PLCE1: variants seen among roughly 807,000 people sequenced by gnomAD.
PLCE1 encodes 1-phosphatidylinositol 4,5-bisphosphate phosphodiesterase epsilon-1.
Under a neutral mutation model 242.8 loss-of-function variants are expected in PLCE1, and 119 were observed. The ratio of observed to expected loss-of-function variants is 0.49; its 90% confidence interval spans 0.42 to 0.57. The LOEUF (loss-of-function observed/expected upper bound fraction) is 0.57. PLCE1 is among the 20% of genes least tolerant of loss of function. The pLI, the probability that PLCE1 is intolerant of heterozygous loss-of-function variation, is 0.00. For synonymous variants in PLCE1, 945 were observed against 1,017.4 expected (o/e 0.93, Z 1.35); for missense variants, 2,441 against 2,788.8 (o/e 0.88, Z 2.81).
chr10:94,035,599 T>C (rs930143615), intron 2 of PLCE1, among the ~76,000 whole-genome samples: 12 of 152,186 alleles, frequency 7.9e-5, no homozygotes, highest in African/African-American at 2.9e-4. Flanking sequence ...GGCATTTTTA[T>C]TAACCATTAA....
intron 10 of PLCE1, 99 bp downstream of exon 10, chr10:94,254,406 A>G (rs756593416): frequency 9.7e-6 from 8 of 828,654 alleles, no homozygotes; most frequent in Non-Finnish European, 1.7e-5. Flanking sequence ...CATTGCAAAC[A>G]TTTCTAACAA....
intron 4 of PLCE1, among the ~76,000 whole-genome samples, chr10:94,205,057 G>A (rs961605090): frequency 6.6e-6 from 1 of 152,212 alleles, no homozygotes; most frequent in Admixed American, 6.5e-5. Context: ...TACCTGGTAT[G>A]ACTTTTAAGA....
Position 94,262,531 on chromosome 10 carries a change from C to G in PLCE1, c.3852C>G (p.Phe1284Leu). ...GAAATGTCTCGGATTTGGGGTTGTT[C>G]ATTAAGAGTAAACAGCAGCTATCGG... ...LTRNVSDLGL[F>L]IKSKQQLSDN... The change falls in exon 14 of 33, where the codon TTC becomes TTG. Residue 1284 changes from phenylalanine to leucine, a missense_variant. Coordinates refer to ENST00000371380, the MANE Select transcript of PLCE1 (RefSeq NM_016341.4). 1 of 1,613,756 alleles carries G rather than the reference C, an allele frequency of 6.2e-7. No homozygotes were observed. Among genetic ancestry groups the G allele is most frequent in the Non-Finnish European group, 8.5e-7 (1 of 1,179,754 alleles).
Position 93,994,004 on chromosome 10 carries a change from GC to G in PLCE1, c.-618del. Among the ~76,000 whole-genome samples, 1 of 151,812 alleles carries G rather than the reference GC, an allele frequency of 6.6e-6. No homozygotes were observed. Among genetic ancestry groups the G allele is most frequent in the African/African-American group, 2.4e-5 (1 of 41,504 alleles). On this transcript the variant is annotated 5_prime_UTR_variant, in exon 1 of 33. Coordinates refer to ENST00000371380, the MANE Select transcript of PLCE1 (RefSeq NM_016341.4). ...CACACGGTAACGCTGGGCAACGTGG[GC>G]AACGCGGCGGGCGGCGGGCTCGCGC...
In PLCE1 at chr10:94,031,355, C is replaced by A; in HGVS notation, c.309C>A (p.Asn103Lys). ...KIMPDSAKNLNINCNNILRNH... is the reference protein window; with the variant it reads ...KIMPDSAKNLKINCNNILRNH... ...TGCCAGATTCTGCGAAAAACCTTAACATTAACTGCAACAACATATTGAGAA... is the reference window on the plus strand; with the variant it reads ...TGCCAGATTCTGCGAAAAACCTTAAAATTAACTGCAACAACATATTGAGAA... Residue 103 changes from asparagine to lysine, a missense_variant, in exon 2 of 33, where the codon AAC becomes AAA. Coordinates refer to ENST00000371380, the MANE Select transcript of PLCE1 (RefSeq NM_016341.4). 1 of 1,613,872 alleles carries A rather than the reference C, an allele frequency of 6.2e-7. No individual in the cohort carries two copies. Among genetic ancestry groups the A allele is most frequent in the Non-Finnish European group, 8.5e-7 (1 of 1,179,854 alleles).
intron 4 of PLCE1, among the ~76,000 whole-genome samples, chr10:94,186,229 C>T (rs1045395851): frequency 6.6e-6 from 1 of 152,194 alleles, no homozygotes; most frequent in Non-Finnish European, 1.5e-5. Flanking sequence ...TTCCTTCTCT[C>T]AATTGGGTAA....
At chr10:94,316,842 A>AT in intron 29 of PLCE1, 86 bp downstream of exon 29, 1 of 945,120 alleles carries the variant, frequency 1.1e-6, no homozygotes. Flanking sequence ...GAAATTCAGA[A>AT]TTTCTTGTAA....
chr10:94,137,039 A>G (rs1377279014), intron 3 of PLCE1, among the ~76,000 whole-genome samples: 2 of 152,104 alleles, frequency 1.3e-5, no homozygotes, highest in Non-Finnish European at 2.9e-5. Flanking sequence ...AAAAATACAA[A>G]AAAATTAGCC....
At chr10:94,126,052 G>A (rs759407182) in intron 2 of PLCE1, among the ~76,000 whole-genome samples, 2 of 152,150 alleles carry the variant, frequency 1.3e-5, no homozygotes, top group East Asian at 1.9e-4. Flanking sequence ...CCACATCCTA[G>A]TACTGGCTTC....
intron 3 of PLCE1, among the ~76,000 whole-genome samples, chr10:94,160,246 G>C (rs1307397525): frequency 6.6e-6 from 1 of 152,154 alleles, no homozygotes; most frequent in Admixed American, 6.5e-5. Context: ...CAGTGTAAAA[G>C]TGTTCCTATT....
intron 28 of PLCE1, among the ~76,000 whole-genome samples, chr10:94,314,630 G>C (rs1029676971): frequency 6.6e-6 from 1 of 152,136 alleles, no homozygotes; most frequent in Non-Finnish European, 1.5e-5. Flanking sequence ...CTGAATAGGA[G>C]TAGACTAAAG....
At chr10:94,070,182 G>A (rs1417697898) in intron 2 of PLCE1, among the ~76,000 whole-genome samples, 1 of 152,190 alleles carries the variant, frequency 6.6e-6, no homozygotes, top group Middle Eastern at 3.2e-3. Flanking sequence ...TGCATGCCAT[G>A]ATAATGACTT....
rs774196868 is a variant in PLCE1, at chr10:94,306,685, C to T, written c.5881C>T (p.Arg1961Ter). 4 of 1,612,206 alleles carry T rather than the reference C, an allele frequency of 2.5e-6. No individual in the cohort carries two copies. The highest frequency in any genetic ancestry group is 2.5e-6 in the Non-Finnish European group (3 of 1,178,564). The change falls in exon 26 of 33, where the codon CGA becomes TGA. Residue 1961 changes from arginine to a stop codon, truncating the protein, a stop_gained. Transcript: ENST00000371380. LOFTEE classifies it high-confidence loss of function. The surrounding 1 kb of genome is among the most constrained non-coding windows in gnomAD (Gnocchi z 5.7). The stretch of plus-strand genomic sequence containing the variant: ...AATCATTCCACTGAAAGCTTTAAAA[C>T]GAGGTAGAATAAAATTGTCCAAATG... Reference protein sequence around the residue: ...QRIIPLKALKRGYRHLQLRNL... With the variant: ...QRIIPLKALK
At chr10:94,315,570 A>C in intron 28 of PLCE1, 1 of 451,210 alleles carries the variant, frequency 2.2e-6, no homozygotes, top group South Asian at 1.6e-5. Flanking sequence ...GGAATTTGAG[A>C]CCAGCCTGGC....
chr10:94,225,421 C>G (rs1455288489), intron 4 of PLCE1: 1 of 152,246 alleles, frequency 6.6e-6, no homozygotes. Flanking sequence ...GCCCGTAATC[C>G]CAGCACTTTG....
chr10:94,092,665 AAG>A (rs1176519560), intron 2 of PLCE1, among the ~76,000 whole-genome samples: 1 of 151,616 alleles, frequency 6.6e-6, no homozygotes, highest in Non-Finnish European at 1.5e-5. Flanking sequence ...AAAGATAAGG[AAG>A]AGACTTCAAT....
intron 2 of PLCE1, among the ~76,000 whole-genome samples, chr10:94,123,512 T>C (rs1472954226): frequency 6.6e-6 from 1 of 152,204 alleles, no homozygotes; most frequent in Non-Finnish European, 1.5e-5. Flanking sequence ...GAATGTGGAA[T>C]CATGAGCAGA....
At chr10:94,048,669 T>C (rs1376634269) in intron 2 of PLCE1, among the ~76,000 whole-genome samples, 1 of 147,440 alleles carries the variant, frequency 6.8e-6, no homozygotes, top group Non-Finnish European at 1.5e-5. Context: ...CATATATACA[T>C]ATATATTTAA....
At chr10:94,053,257 TAG>T (rs2043812045) in intron 2 of PLCE1, among the ~76,000 whole-genome samples, 1 of 152,186 alleles carries the variant, frequency 6.6e-6, no homozygotes, top group Non-Finnish European at 1.5e-5. Context: ...ACACCTAATC[TAG>T]AGAGTCATGA....
Sources: gnomAD v4.1 joint callset for allele counts (sites outside exome capture counted in the v4.1 genomes callset) on GRCh38, gnomAD v4.1.1 for gene constraint, Gnocchi (gnomAD v3.1) non-coding constraint, MANE v1.5 for transcripts, NCBI Gene and HGNC (gene_info 2026-07-23, HGNC 2026-07-21) for gene names.